SGCZ: variants seen among roughly 807,000 people sequenced by gnomAD.
SGCZ encodes sarcoglycan zeta.
A neutral mutation model predicts 41.3 loss-of-function variants in SGCZ; 40 were observed. That is an observed-to-expected ratio of 0.97 (90% CI 0.75 to 1.26). The LOEUF (loss-of-function observed/expected upper bound fraction) is 1.26. Among genes scored for constraint, SGCZ ranks in the 50% most tolerant of loss-of-function variants. SGCZ has a pLI of 0.00. For missense variants in SGCZ, 552 were observed against 369.8 expected (o/e 1.49, Z -4.04); for synonymous variants, 206 against 137.5 (o/e 1.50, Z -3.49).
chr8:14,956,088 G>A (rs1486015924), intron 1 of SGCZ, among the ~76,000 whole-genome samples: 1 of 142,098 alleles, frequency 7.0e-6, no homozygotes, highest in Non-Finnish European at 1.5e-5. Flanking sequence ...TCATCAGGCT[G>A]GAGGGCAATG....
chr8:14,308,322 T>C (rs1010522096), intron 3 of SGCZ, among the ~76,000 whole-genome samples: 11 of 152,020 alleles, frequency 7.2e-5, no homozygotes, highest in African/African-American at 2.7e-4. Context: ...ATGATGACAA[T>C]AAACAATGAG....
intron 1 of SGCZ, among the ~76,000 whole-genome samples, chr8:14,683,360 G>A (rs1415970175): frequency 6.6e-6 from 1 of 151,762 alleles, no homozygotes; most frequent in Admixed American, 6.6e-5. Context: ...AGAAATTTCA[G>A]AACTACAAAA....
At chr8:14,340,133 T>C (rs1332704037) in intron 2 of SGCZ, among the ~76,000 whole-genome samples, 1 of 152,136 alleles carries the variant, frequency 6.6e-6, no homozygotes, top group African/African-American at 2.4e-5. Flanking sequence ...TGCTGTTGTT[T>C]CAATTCTGTT....
intron 3 of SGCZ, chr8:14,308,982 G>C (rs1458144895): frequency 3.9e-6 from 3 of 778,214 alleles, no homozygotes; most frequent in African/African-American, 3.5e-5. Flanking sequence ...TCTTGAGGAT[G>C]AATTCCAAAC....
chr8:14,136,579 G>T (rs1480207044), intron 5 of SGCZ, among the ~76,000 whole-genome samples: 1 of 152,210 alleles, frequency 6.6e-6, no homozygotes, highest in African/African-American at 2.4e-5. Context: ...AAACTGCGAG[G>T]TGGCAGCGAG....
intron 1 of SGCZ, among the ~76,000 whole-genome samples, chr8:14,709,635 A>G (rs906283922): frequency 6.6e-6 from 1 of 152,214 alleles, no homozygotes; most frequent in African/African-American, 2.4e-5. Context: ...TTAAATTCAA[A>G]ATAATACAGC....
At chr8:14,645,478 T>TTATATATATATATATATATTTATA (rs1046258520) in intron 1 of SGCZ, among the ~76,000 whole-genome samples, 19 of 106,612 alleles carry the variant, frequency 1.8e-4, no homozygotes, top group African/African-American at 5.6e-4. Context: ...ATATATATAT[T>TTATATATATATATATATATTTATA]TATATGTATA....
chr8:14,870,205 G>A (rs1277985590), intron 1 of SGCZ, among the ~76,000 whole-genome samples: 1 of 152,074 alleles, frequency 6.6e-6, no homozygotes, highest in African/African-American at 2.4e-5. Flanking sequence ...AAACAGTACG[G>A]TACTAGTACC....
At chr8:14,600,931 T>C (rs888279917) in intron 1 of SGCZ, among the ~76,000 whole-genome samples, 1 of 151,730 alleles carries the variant, frequency 6.6e-6, no homozygotes, top group Non-Finnish European at 1.5e-5. Context: ...CTCAAAGTAA[T>C]CTTGATTCTG....
At chr8:14,862,032 T>C (rs1803766720) in intron 1 of SGCZ, among the ~76,000 whole-genome samples, 1 of 152,010 alleles carries the variant, frequency 6.6e-6, no homozygotes, top group Admixed American at 6.6e-5. Context: ...AAAAATAGTC[T>C]GTAGTAACAT....
chr8:15,098,714 T>A (rs987424143), intron 1 of SGCZ, among the ~76,000 whole-genome samples: 3 of 152,198 alleles, frequency 2.0e-5, no homozygotes. Flanking sequence ...AGAAATAATA[T>A]AAATTGTGGT....
At chr8:14,242,904 T>C (rs549031754) in intron 3 of SGCZ, among the ~76,000 whole-genome samples, 1 of 152,270 alleles carries the variant, frequency 6.6e-6, no homozygotes, top group East Asian at 1.9e-4. Context: ...CAACAAAACA[T>C]ACTTTAAAAT....
At chr8:15,021,708 T>C (rs1399574751) in intron 1 of SGCZ, among the ~76,000 whole-genome samples, 5 of 152,236 alleles carry the variant, frequency 3.3e-5, no homozygotes, top group African/African-American at 7.2e-5. Flanking sequence ...GTGACTTCCA[T>C]TGATTAGGAT....
chr8:14,411,074 G>A (rs1310109374), intron 2 of SGCZ, among the ~76,000 whole-genome samples: 1 of 152,050 alleles, frequency 6.6e-6, no homozygotes, highest in African/African-American at 2.4e-5. Context: ...CATTTAGATA[G>A]TAAACAACTC....
At chr8:14,449,662 C>T (rs1435019689) in intron 2 of SGCZ, among the ~76,000 whole-genome samples, 1 of 152,026 alleles carries the variant, frequency 6.6e-6, no homozygotes, top group Non-Finnish European at 1.5e-5. Flanking sequence ...AAAGATAGAC[C>T]CCGCTTGGCC....
intron 1 of SGCZ, among the ~76,000 whole-genome samples, chr8:14,936,277 T>G (rs540292831): frequency 6.6e-6 from 1 of 152,020 alleles, no homozygotes; most frequent in South Asian, 2.1e-4. Context: ...CATCATAATT[T>G]GAAAATACCC....
intron 1 of SGCZ, among the ~76,000 whole-genome samples, chr8:15,049,162 C>G (rs748669724): frequency 6.6e-6 from 1 of 152,066 alleles, no homozygotes; most frequent in Non-Finnish European, 1.5e-5. Context: ...AATTCTGTGG[C>G]AGAGAATAAC....
intron 1 of SGCZ, among the ~76,000 whole-genome samples, chr8:14,865,859 C>A (rs1017602931): frequency 3.1e-4 from 47 of 152,052 alleles, no homozygotes; most frequent in Non-Finnish European, 5.9e-4. Flanking sequence ...AAATAATCAA[C>A]CCTTAATTTA....
At chr8:14,266,403 C>T (rs537384850) in intron 3 of SGCZ, among the ~76,000 whole-genome samples, 32 of 152,070 alleles carry the variant, frequency 2.1e-4, no homozygotes, top group African/African-American at 7.7e-4. Flanking sequence ...GATAACTCAC[C>T]TAATATGAAC....
Sources: allele counts gnomAD v4.1 joint callset (sites outside exome capture counted in the v4.1 genomes callset), GRCh38; gene constraint gnomAD v4.1.1; transcripts MANE v1.5; gene names NCBI Gene and HGNC (gene_info 2026-07-23, HGNC 2026-07-21).